The following HPGD variants were observed in gnomAD, a reference collection of about 807,000 sequenced individuals.
The protein encoded by HPGD is 15-hydroxyprostaglandin dehydrogenase.
A neutral mutation model predicts 30.0 loss-of-function variants in HPGD; 29 were observed. That is an observed-to-expected ratio of 0.97 (90% CI 0.72 to 1.32). The LOEUF (loss-of-function observed/expected upper bound fraction) is 1.32. Among genes scored for constraint, HPGD ranks in the 40% most tolerant of loss-of-function variants. The probability of loss-of-function intolerance (pLI) is 0.00; values close to 1 mark genes in which losing one functional copy is unlikely to be tolerated. For missense variants in HPGD, 340 were observed against 322.1 expected, an observed-to-expected ratio of 1.06 and a Z score of -0.43; for synonymous variants, 99 against 112.4, an observed-to-expected ratio of 0.88 and a Z score of 0.75.
intron 4 of HPGD, among the ~76,000 whole-genome samples, chr4:174,497,913 T>TC (rs1734718556): frequency 1.4e-5 from 2 of 140,974 alleles, no homozygotes; most frequent in Admixed American, 1.5e-4. Flanking sequence ...CTCTCTCTCT[T>TC]CCCCCCGCCC....
At chr4:174,522,287 G>A in intron 1 of HPGD, 72 bp downstream of exon 1, 1 of 1,445,674 alleles carries the variant, frequency 6.9e-7, no homozygotes. Flanking sequence ...CTCCGCCAGT[G>A]CACCTCGGGC....
intron 4 of HPGD, among the ~76,000 whole-genome samples, chr4:174,497,814 G>A (rs1204971123): frequency 6.6e-6 from 1 of 151,576 alleles, no homozygotes; most frequent in Non-Finnish European, 1.5e-5. Flanking sequence ...CTGACCTCAT[G>A]ATCCACCTGC....
chr4:174,495,729 G>T, intron 4 of HPGD, 105 bp from the exon 5 acceptor site: 1 of 808,496 alleles, frequency 1.2e-6, no homozygotes, highest in South Asian at 1.4e-5. Context: ...TTCAATTTAA[G>T]ATGAATCTGA....
intron 5 of HPGD, among the ~76,000 whole-genome samples, chr4:174,495,153 C>A (rs1435344559): frequency 2.0e-5 from 3 of 152,130 alleles, no homozygotes; most frequent in Non-Finnish European, 4.4e-5. Context: ...TGGCCCCACC[C>A]CTCCTTCCAG....
rs748291932 is a variant in HPGD at position 174,508,807 on chromosome 4, T to TA, written c.325-16dup. On this transcript the variant is annotated splice_polypyrimidine_tract_variant and intron_variant, in intron 3 of 6. Transcript: ENST00000296522. ...ATAACAGAAACCTAATCCAGAGGCA[T>TA]AAGTGAGAAAAGGAATACAGTCATT... The TA allele has an allele frequency of 7.2e-7, 1 of 1,385,676 alleles. No homozygotes were observed. The highest frequency in any genetic ancestry group is 1.2e-5 in the South Asian group (1 of 86,344). 85.8% of individuals were successfully genotyped at this position (1,385,676 alleles called of 1,614,324 possible).
At chr4:174,516,892 A>G (rs940487646) in intron 3 of HPGD, among the ~76,000 whole-genome samples, 2 of 152,174 alleles carry the variant, frequency 1.3e-5, no homozygotes, top group Admixed American at 6.5e-5. Context: ...TCTTCAAGAT[A>G]TTATGTTGAT....
At chr4:174,519,641 C>T (rs575956656) in intron 2 of HPGD, among the ~76,000 whole-genome samples, 2 of 152,310 alleles carry the variant, frequency 1.3e-5, no homozygotes, top group African/African-American at 4.8e-5. Context: ...GAAATTCCAT[C>T]TCCTGGCTCA....
At position 174,503,006 on chromosome 4, in the gene HPGD, A is replaced by T. The variant is rs930615067; in HGVS notation, c.421+5690T>A. On this transcript the variant is annotated intron_variant, in intron 4 of 6. Coordinates refer to ENST00000296522, the MANE Select transcript of HPGD (RefSeq NM_000860.6). ...TCTGACAAAGTCCCTAGACATATTAAATCTGAGAAGCACTGTTCTAGAAGA... is the reference window on the plus strand; with the variant it reads ...TCTGACAAAGTCCCTAGACATATTATATCTGAGAAGCACTGTTCTAGAAGA... Among the ~76,000 whole-genome samples the T allele has an allele frequency of 3.3e-5, 5 of 152,284 alleles. No homozygotes were observed. In the South Asian group the frequency reaches 8.3e-4, roughly 25 times the overall value.
chr4:174,499,020 T>C (rs1734780152), intron 4 of HPGD, among the ~76,000 whole-genome samples: 2 of 152,188 alleles, frequency 1.3e-5, no homozygotes, highest in South Asian at 4.1e-4. Flanking sequence ...ATTGCTACTG[T>C]GGTGTAGCTT....
In HPGD at chr4:174,492,173, A is replaced by C. The variant is rs1288001180; in HGVS notation, c.663-79T>G. ...TTCATTTTAAGTTATTTTCTGAAGAATCTATTAAGTTGAACATGTTATAGG... is the reference window on the plus strand; with the variant it reads ...TTCATTTTAAGTTATTTTCTGAAGACTCTATTAAGTTGAACATGTTATAGG... On this transcript the variant is annotated intron_variant, in intron 6 of 6. Transcript: ENST00000296522. The surrounding 1 kb of genome is among the most constrained non-coding windows in gnomAD (Gnocchi z 4.9). The C allele has an allele frequency of 4.4e-6, 6 of 1,349,036 alleles. No individual in the cohort carries two copies. The African/African-American group carries it at 7.2e-5, about 16-fold the overall frequency. The allele number at this position is 1,349,036 out of a possible 1,614,324, so 83.6% of individuals were successfully genotyped here.
chr4:174,501,223 A>G (rs1198680594), intron 4 of HPGD, among the ~76,000 whole-genome samples: 1 of 152,200 alleles, frequency 6.6e-6, no homozygotes, highest in Non-Finnish European at 1.5e-5. Flanking sequence ...TATAATGACT[A>G]TAGGACCAGT....
At chr4:174,495,732 G>A in intron 4 of HPGD, 108 bp from the exon 5 acceptor site, 1 of 792,122 alleles carries the variant, frequency 1.3e-6, no homozygotes, top group East Asian at 2.6e-5. Flanking sequence ...AATTTAAGAT[G>A]AATCTGAATA....
chr4:174,493,445 ATGAC>A (rs1579268997), intron 5 of HPGD, 131 bp from the exon 6 acceptor site: 1 of 797,380 alleles, frequency 1.3e-6, no homozygotes, highest in Non-Finnish European at 2.1e-6. Context: ...CTATGTAACA[ATGAC>A]TGGTAAATAG....
chr4:174,508,943 G>A lies in HPGD; in HGVS notation c.325-151C>T, dbSNP rs1268076089. ...GTTTTAAAAGAGCTTTGTTTTTAAAGTTAGTCATTAAACCTGGATTCTTTG... is the reference window on the plus strand; with the variant it reads ...GTTTTAAAAGAGCTTTGTTTTTAAAATTAGTCATTAAACCTGGATTCTTTG... On this transcript the variant is annotated intron_variant, in intron 3 of 6. Transcript: ENST00000296522. 9 of 660,104 alleles carry A rather than the reference G, an allele frequency of 1.4e-5. No homozygotes were observed. The East Asian group carries it at 2.2e-4, about 16-fold the overall frequency. 40.9% of individuals were successfully genotyped at this position (660,104 alleles called of 1,614,324 possible).
In HPGD at chr4:174,494,921, C is replaced by T. The variant is rs1734512055; in HGVS notation, c.498+627G>A. ...GCCCATAGCTGCTTTTGGTCTAGCT[C>T]CTGTGCTGGTGTCTTGAGTCATACC... On this transcript the variant is annotated intron_variant, in intron 5 of 6. Coordinates refer to ENST00000296522, the MANE Select transcript of HPGD (RefSeq NM_000860.6). The surrounding 1 kb of genome is among the most constrained non-coding windows in gnomAD (Gnocchi z 4.9). 6.6e-6 allele frequency among the ~76,000 whole-genome samples: 1 copy of T among 152,198 alleles called. No homozygotes were observed. Among genetic ancestry groups the T allele is most frequent in the Non-Finnish European group, 1.5e-5 (1 of 68,042 alleles).
At chr4:174,497,103 T>G (rs1409204345) in intron 4 of HPGD, among the ~76,000 whole-genome samples, 1 of 152,240 alleles carries the variant, frequency 6.6e-6, no homozygotes, top group Non-Finnish European at 1.5e-5. Context: ...TGTTAGTCCC[T>G]GCTTTACCCA....
chr4:174,520,385 T>C (rs560823057), intron 2 of HPGD, among the ~76,000 whole-genome samples: 116 of 152,366 alleles, frequency 7.6e-4, no homozygotes, highest in Non-Finnish European at 1.2e-3. Context: ...AAGAAACTTT[T>C]CATCTCATAT....
intron 3 of HPGD, among the ~76,000 whole-genome samples, chr4:174,510,715 A>G (rs1420737875): frequency 2.0e-5 from 3 of 152,254 alleles, no homozygotes; most frequent in African/African-American, 7.2e-5. Context: ...TCTACAAGAC[A>G]GGGTCTAATG....
intron 3 of HPGD, among the ~76,000 whole-genome samples, chr4:174,511,933 A>G (rs1389954533): frequency 6.6e-6 from 1 of 152,198 alleles, no homozygotes; most frequent in Non-Finnish European, 1.5e-5. Flanking sequence ...GGCGTGAGTC[A>G]CCGCTCCCGG....
Sources: allele counts gnomAD v4.1 joint callset (sites outside exome capture counted in the v4.1 genomes callset), GRCh38; gene constraint gnomAD v4.1.1; non-coding constraint Gnocchi (gnomAD v3.1); transcripts MANE v1.5; gene names NCBI Gene and HGNC (gene_info 2026-07-23, HGNC 2026-07-21).